Variants in SPP2 observed in about 807,000 individuals in gnomAD.
SPP2 encodes the protein secreted phosphoprotein 2, also known as secreted phosphoprotein 24.
Under a neutral mutation model 28.8 loss-of-function variants are expected in SPP2, and 34 were observed. That is an observed-to-expected ratio of 1.18 (90% CI 0.90 to 1.57). SPP2 has a LOEUF of 1.57. Ranked by LOEUF, SPP2 falls within the 40% of genes most tolerant of loss-of-function variation. The pLI, the probability that SPP2 is intolerant of heterozygous loss-of-function variation, is 0.00. For missense variants in SPP2, 269 were observed against 263.9 expected (o/e 1.02, Z -0.13); for synonymous variants, 96 against 89.4 (o/e 1.07, Z -0.42).
chr2:234,074,644 G>A (rs1690860494), intron 7 of SPP2, among the ~76,000 whole-genome samples: 1 of 152,190 alleles, frequency 6.6e-6, no homozygotes, highest in South Asian at 2.1e-4. Context: ...GGCAGCTATG[G>A]TCTATAAAGC....
At chr2:234,059,097 C>T in intron 3 of SPP2, 139 bp downstream of exon 3, 1 of 1,033,794 alleles carries the variant, frequency 9.7e-7, no homozygotes, top group Admixed American at 3.1e-5. Flanking sequence ...ATTGTGTCCC[C>T]TGGTGGGGGA....
chr2:234,052,090 G>T (rs1693509372), intron 2 of SPP2, among the ~76,000 whole-genome samples: 1 of 152,138 alleles, frequency 6.6e-6, no homozygotes, highest in Non-Finnish European at 1.5e-5. Context: ...GAATCAAAAG[G>T]ACCCAGTTTT....
At chr2:234,072,039 G>A (rs1690800031) in intron 7 of SPP2, among the ~76,000 whole-genome samples, 1 of 152,212 alleles carries the variant, frequency 6.6e-6, no homozygotes, top group Non-Finnish European at 1.5e-5. Flanking sequence ...CTGTCCCGCA[G>A]TGCCCTGCAC....
Position 234,058,820 on chromosome 2 carries a change from C to A in SPP2, c.211-16C>A, listed in dbSNP as rs1467399974. ...GAAATGCATTGATCACACTCTGAAA[C>A]TTTATTTTTGTGAAGGTTGAGGTCC... On this transcript the variant is annotated splice_polypyrimidine_tract_variant and intron_variant, in intron 2 of 7. Transcript: ENST00000168148. The A allele has an allele frequency of 1.2e-6, 2 of 1,610,328 alleles. No homozygotes were observed. The highest frequency in any genetic ancestry group is 1.7e-5 in the Admixed American group (1 of 59,610).
intron 2 of SPP2, among the ~76,000 whole-genome samples, chr2:234,057,829 C>T (rs1313141089): frequency 2.0e-5 from 3 of 152,206 alleles, no homozygotes; most frequent in Non-Finnish European, 4.4e-5. Flanking sequence ...AGAGAGCACT[C>T]GTTGCTCAAT....
At chr2:234,053,403 C>T (rs1245631776) in intron 2 of SPP2, among the ~76,000 whole-genome samples, 7 of 151,972 alleles carry the variant, frequency 4.6e-5, no homozygotes, top group Middle Eastern at 3.2e-3. Flanking sequence ...GGAGAAGGGT[C>T]GGGCCCTTCT....
rs779526667 is a variant in SPP2 at position 234,060,392 on chromosome 2, C to G, written c.357C>G (p.Thr119=). 5.0e-6 allele frequency: 8 copies of G among 1,613,992 alleles called. No homozygotes were observed. The highest frequency in any genetic ancestry group is 4.2e-6 in the Non-Finnish European group (5 of 1,179,942). The part of the protein sequence containing the change: ...YYVSTAVCRS[T]VKVSAQQVQG... ...AGTCCACAGCTGTTTGCAGAAGCAC[C>G]GTGAAGGTATCTGCCCAGCAGGTGC... is the stretch of plus-strand genomic sequence containing the variant. Residue 119 remains threonine (T), a synonymous_variant, in exon 4 of 8, where the codon ACC becomes ACG. Coordinates refer to ENST00000168148, the MANE Select transcript of SPP2 (RefSeq NM_006944.3).
At position 234,057,159 on chromosome 2, in the gene SPP2, C is replaced by T. The variant is rs28903994; in HGVS notation, c.211-1677C>T. 2.2e-3 allele frequency among the ~76,000 whole-genome samples: 337 copies of T among 152,270 alleles called. 3 individuals carry two copies. Among genetic ancestry groups the T allele is most frequent in the African/African-American group, 7.5e-3 (311 of 41,550 alleles). ...TCCTGCTGCCCCCTTGTTCCTGCCC[C>T]AATCTGTTTACCTTGCAGCAGCCAC... is the stretch of plus-strand genomic sequence containing the variant. On this transcript the variant is annotated intron_variant, in intron 2 of 7. Transcript: ENST00000168148.
chr2:234,060,733 GCACA>G (rs1157667825), intron 4 of SPP2, among the ~76,000 whole-genome samples: 1 of 144,286 alleles, frequency 6.9e-6, no homozygotes, highest in Non-Finnish European at 1.5e-5. Flanking sequence ...ACACACATAT[GCACA>G]CACACACACG....
intron 3 of SPP2, among the ~76,000 whole-genome samples, chr2:234,059,302 T>C (rs1693670230): frequency 1.3e-5 from 2 of 152,220 alleles, no homozygotes; most frequent in African/African-American, 4.8e-5. Context: ...TATGAAACAC[T>C]GACTCTTCCT....
chr2:234,065,158 C>G (rs539836260), intron 4 of SPP2, among the ~76,000 whole-genome samples: 44 of 152,244 alleles, frequency 2.9e-4, no homozygotes, highest in African/African-American at 1.0e-3. Flanking sequence ...GCAGCTGTAC[C>G]ATTTTACATT....
intron 4 of SPP2, among the ~76,000 whole-genome samples, chr2:234,060,715 TCA>T (rs1286950956): frequency 1.1e-4 from 16 of 149,518 alleles, no homozygotes; most frequent in Non-Finnish European, 4.5e-5. Context: ...TCTCTCTCTC[TCA>T]CACACACACA....
At chr2:234,075,157 C>A (rs1041136527) in intron 7 of SPP2, among the ~76,000 whole-genome samples, 1 of 152,082 alleles carries the variant, frequency 6.6e-6, no homozygotes, top group Non-Finnish European at 1.5e-5. Flanking sequence ...CTGCTCCGTG[C>A]CTGTCTGAGA....
At chr2:234,067,319 C>G in intron 6 of SPP2, 45 bp downstream of exon 6, 1 of 1,558,858 alleles carries the variant, frequency 6.4e-7, no homozygotes, top group Non-Finnish European at 8.8e-7. Context: ...CTTTTCTGAT[C>G]AATCTGGACT....
intron 6 of SPP2, among the ~76,000 whole-genome samples, chr2:234,069,598 T>C (rs996912825): frequency 1.3e-5 from 2 of 152,182 alleles, no homozygotes; most frequent in Admixed American, 1.3e-4. Flanking sequence ...TAAATGTGTG[T>C]GACAAACACT....
intron 2 of SPP2, among the ~76,000 whole-genome samples, chr2:234,053,623 C>T (rs1002893638): frequency 6.6e-6 from 1 of 152,158 alleles, no homozygotes; most frequent in South Asian, 2.1e-4. Context: ...GTATTACCAA[C>T]AGACCTAGAT....
chr2:234,067,504 G>A (rs1396072757), intron 6 of SPP2, among the ~76,000 whole-genome samples: 5 of 152,108 alleles, frequency 3.3e-5, no homozygotes, highest in African/African-American at 9.7e-5. Flanking sequence ...GAGGCCGGGC[G>A]CGGTGGCTCA....
chr2:234,062,355 G>A (rs936718634), intron 4 of SPP2, among the ~76,000 whole-genome samples: 1 of 152,180 alleles, frequency 6.6e-6, no homozygotes, highest in African/African-American at 2.4e-5. Flanking sequence ...AAGCATAGGG[G>A]AAATCAGGTG....
intron 2 of SPP2, among the ~76,000 whole-genome samples, chr2:234,057,194 C>T (rs1278252554): frequency 1.3e-5 from 2 of 152,114 alleles, no homozygotes; most frequent in African/African-American, 2.4e-5. Flanking sequence ...CGGTGATTCA[C>T]GTGCTGCTCT....
Sources: gnomAD v4.1 joint callset for allele counts (sites outside exome capture counted in the v4.1 genomes callset) on GRCh38, gnomAD v4.1.1 for gene constraint, MANE v1.5 for transcripts, NCBI Gene and HGNC (gene_info 2026-07-23, HGNC 2026-07-21) for gene names.